The following PLPP1 variants were observed in gnomAD, a reference collection of about 807,000 sequenced individuals.
PLPP1 encodes phospholipid phosphatase 1.
A neutral mutation model predicts 31.2 loss-of-function variants in PLPP1; 24 were observed. The ratio of observed to expected loss-of-function variants is 0.77; its 90% confidence interval spans 0.56 to 1.08. The LOEUF (loss-of-function observed/expected upper bound fraction) is 1.08. Ranked by LOEUF, PLPP1 falls within the 50% of genes least tolerant of loss-of-function variation. The probability of loss-of-function intolerance (pLI) is 0.00; values close to 1 mark genes in which losing one functional copy is unlikely to be tolerated. For synonymous variants in PLPP1, 146 were observed against 126.3 expected, an observed-to-expected ratio of 1.16 and a Z score of -1.05; for missense variants, 319 against 342.7, an observed-to-expected ratio of 0.93 and a Z score of 0.55.
At chr5:55,497,419 C>CT (rs925211056) in intron 1 of PLPP1, among the ~76,000 whole-genome samples, 15 of 146,078 alleles carry the variant, frequency 1.0e-4, no homozygotes, top group East Asian at 4.0e-4. Context: ...CTAATTTTTT[C>CT]TTTTTTTTTT....
At chr5:55,436,453 T>C (rs999466023) in intron 4 of PLPP1, among the ~76,000 whole-genome samples, 1 of 152,222 alleles carries the variant, frequency 6.6e-6, no homozygotes, top group Non-Finnish European at 1.5e-5. Flanking sequence ...ACTTGCTCCT[T>C]CTTGCCTTCC....
chr5:55,438,227 TC>T (rs1462933911), intron 4 of PLPP1, among the ~76,000 whole-genome samples: 4 of 152,190 alleles, frequency 2.6e-5, no homozygotes, highest in Admixed American at 2.6e-4. Context: ...ATTTGGAATC[TC>T]TGGCATTCAG....
In PLPP1 at chr5:55,444,743, TTG is replaced by T. The variant is rs1554037412; in HGVS notation, c.492-2837_492-2836del. On this transcript the variant is annotated intron_variant, in intron 3 of 5. Transcript: ENST00000307259. ...AAATCACTATGAATGGGATTCTATT[TTG>T]TGTGTGTGTGTGTGTGTGTGTGTGT... Among the ~76,000 whole-genome samples, 1,274 of 137,368 alleles carry T rather than the reference TTG, an allele frequency of 9.3e-3. 22 individuals carry two copies. The highest frequency in any genetic ancestry group is 0.031 in the African/African-American group (1,169 of 37,128). 90.1% of individuals were successfully genotyped at this position (137,368 alleles called of 152,430 possible). A position where few individuals can be genotyped will look rare whatever the true frequency, so the allele number is the denominator to read the frequency against.
intron 3 of PLPP1, 117 bp downstream of exon 3, chr5:55,467,752 C>A (rs921851123): frequency 9.0e-6 from 10 of 1,115,906 alleles, no homozygotes; most frequent in South Asian, 1.6e-5. Context: ...TCAAAATTCA[C>A]CTCCCAGTGA....
chr5:55,437,404 A>G (rs1751517616), intron 4 of PLPP1, among the ~76,000 whole-genome samples: 1 of 152,010 alleles, frequency 6.6e-6, no homozygotes, highest in African/African-American at 2.4e-5. Context: ...TCCATTTTAA[A>G]CTAGAGTCAA....
At position 55,534,553 on chromosome 5, in the gene PLPP1, C is replaced by T. The variant is rs112276815; in HGVS notation, c.58+19G>A. 1 of 1,528,894 alleles carries T rather than the reference C, an allele frequency of 6.5e-7. No individual in the cohort carries two copies. The highest frequency in any genetic ancestry group is 2.6e-5 in the East Asian group (1 of 37,742). 94.7% of individuals were successfully genotyped at this position (1,528,894 alleles called of 1,614,324 possible). A position where few individuals can be genotyped will look rare whatever the true frequency, so the allele number is the denominator to read the frequency against. Reference sequence around the variant, plus strand: ...GGGACAGCCGCACACGCCCCTCGGACCCGGCGGCGCGTACGTACCCAGCAA... The same window carrying T: ...GGGACAGCCGCACACGCCCCTCGGATCCGGCGGCGCGTACGTACCCAGCAA... On this transcript the variant is annotated intron_variant, in intron 1 of 5. Coordinates refer to ENST00000307259, the MANE Select transcript of PLPP1 (RefSeq NM_003711.4).
chr5:55,443,192 A>AAAAAAAAAAAAAATAT, intron 3 of PLPP1, among the ~76,000 whole-genome samples: 8 of 25,432 alleles, frequency 3.1e-4, no homozygotes, highest in Non-Finnish European at 5.2e-4. Context: ...AAAAAAAAAA[A>AAAAAAAAAAAAAATAT]ATATATATAT....
At chr5:55,443,192 A>AAAAAAAAAAAAAAAAATATATATAT in intron 3 of PLPP1, among the ~76,000 whole-genome samples, 2 of 25,418 alleles carry the variant, frequency 7.9e-5, no homozygotes, top group Non-Finnish European at 1.7e-4. Context: ...AAAAAAAAAA[A>AAAAAAAAAAAAAAAAATATATATAT]ATATATATAT....
chr5:55,478,120 C>T (rs1320536694), intron 1 of PLPP1, among the ~76,000 whole-genome samples: 10 of 152,098 alleles, frequency 6.6e-5, no homozygotes. Flanking sequence ...TTTAGAAATG[C>T]TATTAACATG....
chr5:55,491,422 A>G (rs1171762710), intron 1 of PLPP1, among the ~76,000 whole-genome samples: 2 of 152,182 alleles, frequency 1.3e-5, no homozygotes, highest in Non-Finnish European at 2.9e-5. Flanking sequence ...AGCTGAGAAA[A>G]CAGGAAGGTT....
chr5:55,489,795 A>G (rs182154544), intron 1 of PLPP1, among the ~76,000 whole-genome samples: 57 of 152,320 alleles, frequency 3.7e-4, no homozygotes, highest in South Asian at 1.4e-3. Context: ...CTGAGACACT[A>G]AAGTTTTGTA....
intron 1 of PLPP1, among the ~76,000 whole-genome samples, chr5:55,492,856 C>G (rs1370477529): frequency 1.3e-5 from 2 of 152,054 alleles, no homozygotes; most frequent in African/African-American, 4.8e-5. Context: ...AGTGGTGGAA[C>G]CAGGATTCCA....
chr5:55,426,154 G>A (rs72753712), intron 4 of PLPP1, 115 bp from the exon 5 acceptor site: 72,698 of 914,098 alleles, frequency 0.08, 3,286 homozygotes, highest in Middle Eastern at 0.098. Context: ...TAGGGAACAG[G>A]ACTTCTAGGC....
chr5:55,444,979 A>G (rs1751725726), intron 3 of PLPP1, among the ~76,000 whole-genome samples: 1 of 151,986 alleles, frequency 6.6e-6, no homozygotes, highest in African/African-American at 2.4e-5. Context: ...TGAACTCCTG[A>G]CCTCAGGTGA....
chr5:55,451,580 GAGAC>G (rs1254988647), intron 3 of PLPP1, among the ~76,000 whole-genome samples: 1 of 116,926 alleles, frequency 8.6e-6, no homozygotes, highest in South Asian at 2.8e-4. Context: ...TTCTTTTTTT[GAGAC>G]AGAGTCTCAC....
intron 1 of PLPP1, among the ~76,000 whole-genome samples, chr5:55,491,646 T>C (rs2111853987): frequency 6.6e-6 from 1 of 152,114 alleles, no homozygotes; most frequent in East Asian, 1.9e-4. Context: ...TCACTTGACA[T>C]GAAGAGTTCA....
intron 1 of PLPP1, among the ~76,000 whole-genome samples, chr5:55,476,732 C>T (rs1438055495): frequency 2.0e-5 from 3 of 152,312 alleles, no homozygotes; most frequent in Admixed American, 6.5e-5. Flanking sequence ...TTGCAGTTCT[C>T]ATTAACTCCA....
chr5:55,504,798 T>G (rs1387453044), intron 1 of PLPP1, among the ~76,000 whole-genome samples: 1 of 151,670 alleles, frequency 6.6e-6, no homozygotes, highest in East Asian at 1.9e-4. Context: ...TATTTCCACT[T>G]TTTCCCCTAA....
At chr5:55,497,920 C>T (rs1487542754) in intron 1 of PLPP1, among the ~76,000 whole-genome samples, 1 of 152,078 alleles carries the variant, frequency 6.6e-6, no homozygotes, top group Non-Finnish European at 1.5e-5. Flanking sequence ...CCTGCCAGTG[C>T]TATCCATTGT....
Sources: allele counts gnomAD v4.1 joint callset (sites outside exome capture counted in the v4.1 genomes callset), GRCh38; gene constraint gnomAD v4.1.1; transcripts MANE v1.5; gene names NCBI Gene and HGNC (gene_info 2026-07-23, HGNC 2026-07-21).